Variants in PMEL observed in about 807,000 individuals in gnomAD.
PMEL encodes premelanosome protein.
PMEL carries 53 observed loss-of-function variants against 64.9 expected under a neutral mutation model. That is an observed-to-expected ratio of 0.82 (90% CI 0.66 to 1.03). The LOEUF (loss-of-function observed/expected upper bound fraction) is 1.03, where lower values mean the gene tolerates loss of function less well. Ranked by LOEUF, PMEL falls within the 50% of genes least tolerant of loss-of-function variation. The pLI, the probability that PMEL is intolerant of heterozygous loss-of-function variation, is 0.00. For synonymous variants in PMEL, 299 were observed against 316.2 expected, an observed-to-expected ratio of 0.95 and a Z score of 0.58; for missense variants, 716 against 814.9, an observed-to-expected ratio of 0.88 and a Z score of 1.48.
At chr12:55,966,697 G>A (rs925513900), upstream of PMEL, 5 of 1,102,778 alleles carry the variant, frequency 4.5e-6, no homozygotes, top group African/African-American at 6.6e-5. Context: ...GATCATTTGC[G>A]GGGAGGAGCG....
At chr12:55,956,737 A>G (rs191347048) in intron 6 of PMEL, among the ~76,000 whole-genome samples, 1 of 152,276 alleles carries the variant, frequency 6.6e-6, no homozygotes, top group African/African-American at 2.4e-5. Context: ...CTCTTTCCTC[A>G]TGGCCTAGGG....
chr12:55,958,698 G>T, intron 3 of PMEL, 91 bp from the exon 4 acceptor site: 1 of 1,293,488 alleles, frequency 7.7e-7, no homozygotes, highest in Non-Finnish European at 1.1e-6. Context: ...ATCAGAGAGG[G>T]GCTCTGGGAA....
Position 55,957,470 on chromosome 12 carries a change from T to TGAG in PMEL, c.830_832dup (p.Thr277_His278insPro), listed in dbSNP as rs1435672289. 1.9e-6 allele frequency: 3 copies of TGAG among 1,613,964 alleles called. No homozygotes were observed. Among genetic ancestry groups the TGAG allele is most frequent in the Non-Finnish European group, 2.5e-6 (3 of 1,179,978 alleles). ...GACTGGGCCAGGCTCCAGGTAAGTA[T>TGAG]GAGTGACCACAAGTGCCCGAGAGAT... On this transcript the variant is annotated inframe_insertion, in exon 6 of 11. Transcript: ENST00000548747.
At chr12:55,956,911 C>A (rs1191284586) in intron 6 of PMEL, 38 bp downstream of exon 6, 3 of 1,595,408 alleles carry the variant, frequency 1.9e-6, no homozygotes, top group African/African-American at 2.7e-5. Context: ...AGTAGGGTAC[C>A]CCACCTCCGT....
chr12:55,954,412 C>A, intron 10 of PMEL, 63 bp from the exon 11 acceptor site: 1 of 1,569,532 alleles, frequency 6.4e-7, no homozygotes, highest in South Asian at 1.1e-5. Flanking sequence ...CTGTGCTTCT[C>A]CAAAGAAGGG....
At chr12:55,961,491 A>C in intron 2 of PMEL, 28 bp from the exon 3 acceptor site, 1 of 1,612,748 alleles carries the variant, frequency 6.2e-7, no homozygotes, top group Non-Finnish European at 8.5e-7. Flanking sequence ...ATTAGCTGGG[A>C]CTCCTGGGCT....
chr12:55,956,389 G>A (rs1888887150), intron 6 of PMEL, 170 bp from the exon 7 acceptor site: 2 of 562,686 alleles, frequency 3.6e-6, no homozygotes, highest in South Asian at 2.4e-5. Context: ...GGAAACTGAG[G>A]CCCAGAAGAA....
chr12:55,957,039 CTG>C lies in PMEL; in HGVS notation c.1262_1263del (p.Thr421ArgfsTer8). 6.2e-7 allele frequency: 1 copy of C among 1,614,244 alleles called. No individual in the cohort carries two copies. The highest frequency in any genetic ancestry group is 2.2e-5 in the East Asian group (1 of 44,890). On this transcript the variant is annotated frameshift_variant, in exon 6 of 11. Coordinates refer to ENST00000548747, the MANE Select transcript of PMEL (RefSeq NM_001384361.1). LOFTEE classifies it high-confidence loss of function. ...TCTCTAGCTGTGGTCTCCACCCACT[CTG>C]TAGTTGTTACCTGTGCAGCTGTGGT... The part of the protein sequence containing the change: ...SGTTAAQVTT[T>X]EWVETTAREL...
intron 2 of PMEL, 48 bp from the exon 3 acceptor site, chr12:55,961,511 T>A (rs776790842): frequency 6.2e-7 from 1 of 1,609,336 alleles, no homozygotes; most frequent in South Asian, 1.1e-5. Flanking sequence ...TTCCCCTCCC[T>A]GTATACGTTT....
chr12:55,961,246 C>A, intron 3 of PMEL, 71 bp downstream of exon 3: 2 of 1,399,738 alleles, frequency 1.4e-6, no homozygotes, highest in Non-Finnish European at 2.0e-6. Flanking sequence ...AAGGGGCATT[C>A]CCTGAGCTCA....
At position 55,958,042 on chromosome 12, in the gene PMEL, C is replaced by T; in HGVS notation, c.512G>A (p.Ser171Asn). 3 of 1,614,198 alleles carry T rather than the reference C, an allele frequency of 1.9e-6. No individual in the cohort carries two copies. In the South Asian group the frequency reaches 3.3e-5, roughly 18 times the overall value. ...QVLGGPVSGLSIGTGRAMLGT... is the reference protein window; with the variant it reads ...QVLGGPVSGLNIGTGRAMLGT... ...CAGCATTGCCCTGCCTGTCCCAATG[C>T]TCAGCCCAGACACTGGGCCCCCTAG... Residue 171 changes from serine (S) to asparagine (N), a missense_variant, in exon 5 of 11, where the codon AGC becomes AAC. Transcript: ENST00000548747.
At chr12:55,964,879 A>T (rs1366834190) in intron 1 of PMEL, among the ~76,000 whole-genome samples, 2 of 147,540 alleles carry the variant, frequency 1.4e-5, no homozygotes, top group African/African-American at 5.1e-5. Flanking sequence ...AGCCTCTCAA[A>T]GTGCTAGGAT....
In PMEL at chr12:55,954,237, G is replaced by A; in HGVS notation, c.1963C>T (p.Leu655Phe). 1.2e-6 allele frequency: 2 copies of A among 1,612,798 alleles called. No individual in the cohort carries two copies. The highest frequency in any genetic ancestry group is 8.5e-7 in the Non-Finnish European group (1 of 1,179,396). ...CSCPIGENSP[L>F]LSGQQV ...ACTCAGACCTGCTGCCCACTGAGGA[G>A]GGGGCTGTTCTCACCAATGGGACAA... Residue 655 changes from leucine (L) to phenylalanine (F), a missense_variant, in exon 11 of 11, where the codon CTC becomes TTC. Coordinates refer to ENST00000548747, the MANE Select transcript of PMEL (RefSeq NM_001384361.1).
At chr12:55,966,275 C>T, upstream of PMEL, 1 of 554,014 alleles carries the variant, frequency 1.8e-6, no homozygotes. Flanking sequence ...AACTGAAAGG[C>T]AGCTGCGTAA....
chr12:55,958,260 G>T, intron 4 of PMEL, 176 bp from the exon 5 acceptor site: 1 of 767,492 alleles, frequency 1.3e-6, no homozygotes, highest in African/African-American at 1.8e-5. Context: ...GGCATTCCAT[G>T]GGGTAGGACT....
Position 55,957,645 on chromosome 12 carries a change from A to G in PMEL, c.658T>C (p.Ser220Pro), listed in dbSNP as rs764751843. Reference sequence around the variant, plus strand: ...CCTCCATCCAAGGCCCGCAACTGGGACACGCTCACGGAGAAAGGCACCTGG... The same window carrying G: ...CCTCCATCCAAGGCCCGCAACTGGGGCACGCTCACGGAGAAAGGCACCTGG... The part of the protein sequence containing the change: ...TDQVPFSVSV[S>P]QLRALDGGNK... The change falls in exon 6 of 11, where the codon TCC (serine) becomes CCC (proline). Residue 220 changes from serine to proline, a missense_variant. By Grantham distance (74) the Ser-to-Pro change is moderately conservative. Transcript: ENST00000548747. 3.1e-6 allele frequency: 5 copies of G among 1,612,178 alleles called. No individual in the cohort carries two copies. Among genetic ancestry groups the G allele is most frequent in the South Asian group, 1.1e-5 (1 of 90,808 alleles).
At position 55,954,352 on chromosome 12, in the gene PMEL, G is replaced by C. The variant is rs1282704492; in HGVS notation, c.1851-3C>G. 1 of 1,613,972 alleles carries C rather than the reference G, an allele frequency of 6.2e-7. No homozygotes were observed. Among genetic ancestry groups the C allele is most frequent in the Non-Finnish European group, 8.5e-7 (1 of 1,179,932 alleles). ...AGTCTTGCTTCATAAGTCTGCGCCT[G>C]ATATTGGGAGAAGGGGTAAACTGGT... On this transcript the variant is annotated splice_region_variant and splice_polypyrimidine_tract_variant and intron_variant, in intron 10 of 10. Coordinates refer to ENST00000548747, the MANE Select transcript of PMEL (RefSeq NM_001384361.1).
chr12:55,957,708 G>T (rs1378037006), intron 5 of PMEL, 37 bp from the exon 6 acceptor site: 15 of 1,573,778 alleles, frequency 9.5e-6, no homozygotes, highest in Non-Finnish European at 1.3e-5. Flanking sequence ...AACCAGGCCT[G>T]AGCCACAGCT....
At chr12:55,966,679 T>C (rs1889314194), upstream of PMEL, 19 of 1,082,220 alleles carry the variant, frequency 1.8e-5, no homozygotes, top group Non-Finnish European at 1.8e-5. Context: ...CAAACTTGCC[T>C]GGGGCGGGAT....
Sources: allele counts gnomAD v4.1 joint callset (sites outside exome capture counted in the v4.1 genomes callset), GRCh38; gene constraint gnomAD v4.1.1; transcripts MANE v1.5; gene names NCBI Gene and HGNC (gene_info 2026-07-23, HGNC 2026-07-21).